The following MAGI1 variants were observed in gnomAD, a reference collection of about 807,000 sequenced individuals.
MAGI1 encodes membrane-associated guanylate kinase, WW and PDZ domain-containing protein 1.
MAGI1 carries 58 observed loss-of-function variants against 139.9 expected under a neutral mutation model. The observed-to-expected ratio is 0.41, with a 90% confidence interval of 0.34 to 0.52. MAGI1 has a LOEUF of 0.52. Ranked by LOEUF, MAGI1 falls within the 20% of genes least tolerant of loss-of-function variation. MAGI1 has a pLI of 0.12. For synonymous variants in MAGI1, 812 were observed against 737.9 expected (o/e 1.10, Z -1.63); for missense variants, 1,874 against 1,901.6 (o/e 0.99, Z 0.27).
intron 1 of MAGI1, among the ~76,000 whole-genome samples, chr3:65,831,355 T>C (rs1277634341): frequency 6.6e-6 from 1 of 152,222 alleles, no homozygotes; most frequent in Non-Finnish European, 1.5e-5. Context: ...CCTGGATGTT[T>C]TGCATCAAAA....
intron 1 of MAGI1, among the ~76,000 whole-genome samples, chr3:65,785,277 T>G (rs1321715157): frequency 6.6e-6 from 1 of 152,184 alleles, no homozygotes; most frequent in South Asian, 2.1e-4. Flanking sequence ...TCCTCACAGC[T>G]ACAGAAAACC....
intron 1 of MAGI1, among the ~76,000 whole-genome samples, chr3:65,839,489 A>G (rs2058735349): frequency 6.6e-6 from 1 of 152,160 alleles, no homozygotes; most frequent in South Asian, 2.1e-4. Flanking sequence ...ACAGGAAATG[A>G]CCGCTCCATG....
chr3:65,457,449 A>G (rs887132535), intron 5 of MAGI1, among the ~76,000 whole-genome samples: 42 of 152,286 alleles, frequency 2.8e-4, no homozygotes, highest in Admixed American at 2.4e-3. Flanking sequence ...AAATTCATGT[A>G]CATGTTTAAG....
chr3:65,734,460 G>GA (rs749370907), intron 1 of MAGI1, among the ~76,000 whole-genome samples: 46,978 of 109,138 alleles, frequency 0.43, 8,807 homozygotes, highest in African/African-American at 0.54. Flanking sequence ...ACCCTGTCAA[G>GA]AAAAAAAAAA....
intron 1 of MAGI1, among the ~76,000 whole-genome samples, chr3:65,984,702 A>ATTT (rs869295614): frequency 2.3e-5 from 2 of 86,382 alleles, no homozygotes; most frequent in Non-Finnish European, 4.6e-5. Context: ...TGCCTTGCTA[A>ATTT]TTTTTTTTTC....
chr3:65,574,251 A>C (rs777270849), intron 2 of MAGI1, among the ~76,000 whole-genome samples: 3 of 151,130 alleles, frequency 2.0e-5, no homozygotes, highest in African/African-American at 7.3e-5. Context: ...GTATATATAT[A>C]TACATACATA....
intron 4 of MAGI1, among the ~76,000 whole-genome samples, chr3:65,473,241 A>G (rs906481853): frequency 6.6e-6 from 1 of 152,166 alleles, no homozygotes; most frequent in Non-Finnish European, 1.5e-5. Context: ...TAGGTAGAAG[A>G]AGGATAGGTT....
At chr3:65,843,233 C>T (rs1203196786) in intron 1 of MAGI1, among the ~76,000 whole-genome samples, 1 of 152,088 alleles carries the variant, frequency 6.6e-6, no homozygotes, top group East Asian at 1.9e-4. Flanking sequence ...TAGAAGGATC[C>T]ACATGCCATA....
intron 1 of MAGI1, among the ~76,000 whole-genome samples, chr3:66,005,256 C>T (rs1367928382): frequency 1.3e-5 from 2 of 152,174 alleles, no homozygotes; most frequent in Non-Finnish European, 2.9e-5. Context: ...AATAATGCTG[C>T]ATCTCCCAGC....
intron 1 of MAGI1, among the ~76,000 whole-genome samples, chr3:65,867,607 C>A (rs962014078): frequency 3.3e-5 from 5 of 152,088 alleles, no homozygotes; most frequent in African/African-American, 1.2e-4. Context: ...TAGTGGCCCA[C>A]GCCTAAAGTC....
At chr3:65,391,025 C>T (rs1248435763) in intron 14 of MAGI1, 117 bp downstream of exon 14, 7 of 842,768 alleles carry the variant, frequency 8.3e-6, no homozygotes, top group East Asian at 2.5e-5. Context: ...TTGCATCTTG[C>T]GGATTTCACT....
At chr3:65,491,707 C>T (rs925664466) in intron 3 of MAGI1, among the ~76,000 whole-genome samples, 3 of 151,400 alleles carry the variant, frequency 2.0e-5, no homozygotes, top group African/African-American at 7.3e-5. Flanking sequence ...CCCTCCCTTC[C>T]CTCTATACAC....
chr3:65,618,028 A>C (rs916881022), intron 2 of MAGI1, among the ~76,000 whole-genome samples: 1 of 152,228 alleles, frequency 6.6e-6, no homozygotes, highest in Non-Finnish European at 1.5e-5. Context: ...CAACAGGCCC[A>C]ATCTGCAGAA....
intron 1 of MAGI1, among the ~76,000 whole-genome samples, chr3:65,933,648 G>GGA (rs2062908042): frequency 6.6e-6 from 1 of 152,146 alleles, no homozygotes; most frequent in Admixed American, 6.5e-5. Context: ...ATTATTGGGA[G>GGA]GAGAGGAGGG....
intron 1 of MAGI1, among the ~76,000 whole-genome samples, chr3:65,701,347 G>C (rs1462398625): frequency 1.3e-5 from 2 of 152,084 alleles, no homozygotes; most frequent in South Asian, 2.1e-4. Flanking sequence ...CCACCTCCCG[G>C]GGTCAAGCGA....
intron 1 of MAGI1, among the ~76,000 whole-genome samples, chr3:65,686,697 A>T (rs1313142036): frequency 5.3e-5 from 8 of 152,232 alleles, no homozygotes; most frequent in African/African-American, 1.9e-4. Flanking sequence ...ATGCTATGGC[A>T]TGCATGACTT....
At chr3:65,605,711 G>C (rs137935913) in intron 2 of MAGI1, among the ~76,000 whole-genome samples, 117 of 152,306 alleles carry the variant, frequency 7.7e-4, no homozygotes, top group Non-Finnish European at 1.1e-3. Context: ...TACTATTTAA[G>C]TGTGCCCATC....
intron 1 of MAGI1, among the ~76,000 whole-genome samples, chr3:65,950,067 C>CAAAAAAAAACAAAAAAAAA (rs2063733550): frequency 6.5e-5 from 5 of 76,734 alleles, no homozygotes; most frequent in South Asian, 5.6e-4. Flanking sequence ...AACAAAAAAA[C>CAAAAAAAAACAAAAAAAAA]AAAAAAAAAA....
At chr3:65,768,793 C>G (rs892777871) in intron 1 of MAGI1, among the ~76,000 whole-genome samples, 1 of 152,154 alleles carries the variant, frequency 6.6e-6, no homozygotes, top group Non-Finnish European at 1.5e-5. Context: ...GAAAATACTA[C>G]AGTGGCATTA....
Sources: allele counts gnomAD v4.1 joint callset (sites outside exome capture counted in the v4.1 genomes callset), GRCh38; gene constraint gnomAD v4.1.1; transcripts MANE v1.5; gene names NCBI Gene and HGNC (gene_info 2026-07-23, HGNC 2026-07-21).